CFAP61: variants seen among roughly 807,000 people sequenced by gnomAD.
The protein encoded by CFAP61 is cilia and flagella associated protein 61.
In CFAP61, 107 loss-of-function variants were observed where a neutral mutation model predicts 135.6. The ratio of observed to expected loss-of-function variants is 0.79; its 90% CI spans 0.67 to 0.93. CFAP61 has a LOEUF of 0.93. Ranked by LOEUF, CFAP61 falls within the 40% of genes least tolerant of loss-of-function variation. The pLI is 0.00. For missense variants in CFAP61, 1,507 were observed against 1,556.2 expected, an observed-to-expected ratio of 0.97 and a Z score of 0.53; for synonymous variants, 575 against 578.5, an observed-to-expected ratio of 0.99 and a Z score of 0.09.
chr20:20,089,909 A>G (rs2047066986), intron 6 of CFAP61, among the ~76,000 whole-genome samples: 2 of 152,240 alleles, frequency 1.3e-5, no homozygotes, highest in Non-Finnish European at 2.9e-5. Context: ...TCAGGAATAA[A>G]GGATGCCATG....
intron 7 of CFAP61, among the ~76,000 whole-genome samples, chr20:20,093,255 A>G (rs1049322275): frequency 1.3e-5 from 2 of 152,132 alleles, no homozygotes; most frequent in Non-Finnish European, 1.5e-5. Context: ...GAAAGCCTAG[A>G]ATAGACACTT....
rs777592703 is a variant in CFAP61, at chr20:20,052,556, G to C, written c.-72G>C. The C allele has an allele frequency of 6.2e-7, 1 of 1,614,156 alleles. No homozygotes were observed. The highest frequency in any genetic ancestry group is 1.7e-5 in the Admixed American group (1 of 60,024). Reference sequence around the variant, plus strand: ...CAGGCTGCGCGTCCTCCTTGCGGCAGCGCGTGGAGTGCGGCGTCCTGGAGC... The same window carrying C: ...CAGGCTGCGCGTCCTCCTTGCGGCACCGCGTGGAGTGCGGCGTCCTGGAGC... On this transcript the variant is annotated 5_prime_UTR_variant, in exon 1 of 27. Transcript: ENST00000245957.
At chr20:20,293,311 C>A (rs1017270462) in intron 24 of CFAP61, among the ~76,000 whole-genome samples, 2 of 152,210 alleles carry the variant, frequency 1.3e-5, no homozygotes, top group African/African-American at 4.8e-5. Context: ...TAAATAGATT[C>A]TTTGGCTGGT....
chr20:20,230,310 C>T (rs2049032502), intron 18 of CFAP61, among the ~76,000 whole-genome samples: 1 of 152,118 alleles, frequency 6.6e-6, no homozygotes, highest in Non-Finnish European at 1.5e-5. Flanking sequence ...GATCTCTAAT[C>T]CTTAAGAGAG....
chr20:20,194,000 A>T (rs2056111250), intron 15 of CFAP61, among the ~76,000 whole-genome samples: 1 of 152,200 alleles, frequency 6.6e-6, no homozygotes, highest in Non-Finnish European at 1.5e-5. Flanking sequence ...CTGATTCTTG[A>T]TCCTTTATGA....
At chr20:20,183,692 G>A (rs761470) in intron 13 of CFAP61, among the ~76,000 whole-genome samples, 137,518 of 152,196 alleles carry the variant, frequency 0.9, 62,947 homozygotes, top group Middle Eastern at 0.99. Flanking sequence ...TTGTTTCAGC[G>A]TGTAATCAAT....
intron 6 of CFAP61, among the ~76,000 whole-genome samples, chr20:20,089,203 C>T (rs575167589): frequency 1.3e-5 from 2 of 152,258 alleles, no homozygotes; most frequent in South Asian, 4.2e-4. Flanking sequence ...GGGCTTAAGT[C>T]ACTAGACCAG....
In CFAP61 at chr20:20,212,999, G is replaced by A. The variant is rs115048369; in HGVS notation, c.1932+13097G>A. 7.1e-3 allele frequency among the ~76,000 whole-genome samples: 1,082 copies of A among 152,262 alleles called. 16 individuals are homozygous for A. The highest frequency in any genetic ancestry group is 0.025 in the African/African-American group (1,028 of 41,540). On this transcript the variant is annotated intron_variant, in intron 17 of 26. Transcript: ENST00000245957. ...GCAAGTGCCATCAGGAGGAGAGCCC[G>A]GGAGGGGAGGGTGGGAACAGGGCAG...
At chr20:20,284,337 G>C (rs1835371356) in intron 22 of CFAP61, among the ~76,000 whole-genome samples, 1 of 151,334 alleles carries the variant, frequency 6.6e-6, no homozygotes, top group Non-Finnish European at 1.5e-5. Context: ...CCAGGCTGGA[G>C]TACAGTGGCT....
intron 6 of CFAP61, among the ~76,000 whole-genome samples, chr20:20,088,684 C>T (rs567716533): frequency 6.6e-6 from 1 of 152,220 alleles, no homozygotes; most frequent in African/African-American, 2.4e-5. Context: ...AAGATTCAAC[C>T]TGTGGAGTCA....
intron 21 of CFAP61, among the ~76,000 whole-genome samples, chr20:20,269,940 A>G (rs1410770820): frequency 6.6e-6 from 1 of 152,092 alleles, no homozygotes; most frequent in African/African-American, 2.4e-5. Flanking sequence ...ACCTCTCTGT[A>G]CCTTATTTTC....
At chr20:20,197,233 C>T in intron 16 of CFAP61, among the ~76,000 whole-genome samples, 1 of 152,204 alleles carries the variant, frequency 6.6e-6, no homozygotes, top group South Asian at 2.1e-4. Flanking sequence ...CACACCCCTA[C>T]TAGGTGATGG....
At chr20:20,175,400 G>T (rs1162905039) in intron 13 of CFAP61, among the ~76,000 whole-genome samples, 1 of 152,230 alleles carries the variant, frequency 6.6e-6, no homozygotes, top group East Asian at 1.9e-4. Context: ...CAGGTTTTCT[G>T]AATCTGTGTT....
intron 18 of CFAP61, among the ~76,000 whole-genome samples, chr20:20,242,414 C>T (rs1413626128): frequency 6.6e-6 from 1 of 152,174 alleles, no homozygotes; most frequent in Non-Finnish European, 1.5e-5. Flanking sequence ...ACGGAGTGAG[C>T]CTTGAGCATG....
chr20:20,151,829 C>CAAAAA (rs386393498), intron 9 of CFAP61, among the ~76,000 whole-genome samples: 32,103 of 53,092 alleles, frequency 0.6, 10,507 homozygotes, highest in Middle Eastern at 0.72. Flanking sequence ...GACTCCGTCT[C>CAAAAA]AAAAAAAAAA....
chr20:20,067,333 A>C (rs2045348084), intron 2 of CFAP61, among the ~76,000 whole-genome samples: 1 of 152,120 alleles, frequency 6.6e-6, no homozygotes, highest in Non-Finnish European at 1.5e-5. Context: ...CTGTAATCCC[A>C]GCAGTTTGGG....
intron 17 of CFAP61, among the ~76,000 whole-genome samples, chr20:20,202,966 T>C (rs1243290542): frequency 6.6e-6 from 1 of 152,126 alleles, no homozygotes. Context: ...AGTAATGGGA[T>C]AGAAAGCATT....
chr20:20,074,452 A>G, intron 4 of CFAP61, 74 bp downstream of exon 4: 1 of 1,331,770 alleles, frequency 7.5e-7, no homozygotes, highest in Non-Finnish European at 1.1e-6. Flanking sequence ...TTTTTAAAAG[A>G]CATGAAATTC....
chr20:20,056,293 G>A (rs922367640), intron 1 of CFAP61, among the ~76,000 whole-genome samples: 5 of 152,208 alleles, frequency 3.3e-5, no homozygotes, highest in Non-Finnish European at 7.3e-5. Context: ...CATCGTGGCC[G>A]ATTAAATATA....
Sources: allele counts gnomAD v4.1 joint callset (sites outside exome capture counted in the v4.1 genomes callset), GRCh38; gene constraint gnomAD v4.1.1; transcripts MANE v1.5; gene names NCBI Gene and HGNC (gene_info 2026-07-23, HGNC 2026-07-21).